The following NPAS3 variants were observed in gnomAD, a reference collection of about 807,000 sequenced individuals.
NPAS3 encodes the protein neuronal PAS domain-containing protein 3.
A neutral mutation model predicts 73.1 loss-of-function variants in NPAS3; 14 were observed. The observed-to-expected ratio is 0.19, with a 90% CI of 0.13 to 0.30. The LOEUF (loss-of-function observed/expected upper bound fraction) is 0.30, where lower values mean the gene tolerates loss of function less well. Ranked by LOEUF, NPAS3 falls within the 10% of genes least tolerant of loss-of-function variation. The pLI is 1.00. For missense variants in NPAS3, 1,096 were observed against 1,250.0 expected, an observed-to-expected ratio of 0.88 and a Z score of 1.86; for synonymous variants, 620 against 541.5, an observed-to-expected ratio of 1.14 and a Z score of -2.01.
intron 2 of NPAS3, among the ~76,000 whole-genome samples, chr14:33,102,065 C>T (rs1250552658): frequency 6.6e-6 from 1 of 152,148 alleles, no homozygotes; most frequent in Admixed American, 6.6e-5. Context: ...TTCCCACTAC[C>T]ATGCCAGCTT....
At chr14:33,667,721 A>AATT (rs1372755694) in intron 5 of NPAS3, among the ~76,000 whole-genome samples, 1 of 152,128 alleles carries the variant, frequency 6.6e-6, no homozygotes, top group African/African-American at 2.4e-5. Flanking sequence ...ACAAGAAATA[A>AATT]ATTATACACC....
chr14:33,197,327 T>C (rs764371491), intron 2 of NPAS3, among the ~76,000 whole-genome samples: 38 of 151,782 alleles, frequency 2.5e-4, no homozygotes, highest in Non-Finnish European at 4.4e-4. Context: ...TGAAGAGCAG[T>C]ACCTGAGCCT....
intron 3 of NPAS3, among the ~76,000 whole-genome samples, chr14:33,279,582 T>C (rs1478227129): frequency 2.6e-5 from 4 of 152,170 alleles, no homozygotes; most frequent in African/African-American, 7.2e-5. Flanking sequence ...TGCAGCATCT[T>C]AGACATACTG....
intron 5 of NPAS3, among the ~76,000 whole-genome samples, chr14:33,675,388 C>T (rs1459424908): frequency 1.3e-5 from 2 of 152,192 alleles, no homozygotes; most frequent in African/African-American, 2.4e-5. Flanking sequence ...TAGTCAGTGC[C>T]TCTATTTCAG....
intron 3 of NPAS3, among the ~76,000 whole-genome samples, chr14:33,347,441 CT>C (rs1310499302): frequency 1.3e-5 from 2 of 152,336 alleles, no homozygotes; most frequent in Non-Finnish European, 2.9e-5. Context: ...TATAAAATGG[CT>C]GCTAGAACAG....
At chr14:32,963,004 C>T (rs1418231541) in intron 1 of NPAS3, among the ~76,000 whole-genome samples, 2 of 151,672 alleles carry the variant, frequency 1.3e-5, no homozygotes, top group African/African-American at 4.8e-5. Context: ...ACATTTCCTT[C>T]TAATTCAAGA....
intron 7 of NPAS3, among the ~76,000 whole-genome samples, chr14:33,741,788 A>T (rs2061661065): frequency 6.6e-6 from 1 of 152,180 alleles, no homozygotes; most frequent in South Asian, 2.1e-4. Context: ...GCTAACTTAA[A>T]GATCCTTCAT....
chr14:33,486,954 C>T (rs920855832), intron 4 of NPAS3, among the ~76,000 whole-genome samples: 1 of 152,156 alleles, frequency 6.6e-6, no homozygotes, highest in Non-Finnish European at 1.5e-5. Flanking sequence ...TTTGTTTATG[C>T]TCTCAGAAGA....
chr14:33,091,861 T>A (rs111809351), intron 2 of NPAS3, among the ~76,000 whole-genome samples: 136,802 of 152,142 alleles, frequency 0.9, 61,708 homozygotes, highest in African/African-American at 0.96. Context: ...ACAGAACCAA[T>A]GACAAAAACC....
intron 4 of NPAS3, among the ~76,000 whole-genome samples, chr14:33,531,383 C>T (rs1171591294): frequency 2.0e-5 from 3 of 152,096 alleles, no homozygotes; most frequent in Admixed American, 1.3e-4. Flanking sequence ...CCCCTGATGG[C>T]CACTGATTTG....
At chr14:32,938,065 T>C (rs189587547), upstream of NPAS3, among the ~76,000 whole-genome samples, 1 of 152,120 alleles carries the variant, frequency 6.6e-6, no homozygotes, top group East Asian at 1.9e-4. Context: ...CGGGAGGGGC[T>C]TCTGTATGTG....
At chr14:33,255,154 T>C (rs531378786) in intron 3 of NPAS3, among the ~76,000 whole-genome samples, 1 of 152,204 alleles carries the variant, frequency 6.6e-6, no homozygotes, top group Non-Finnish European at 1.5e-5. Flanking sequence ...ATGGCTAACA[T>C]AGCAGGTTTG....
At chr14:33,109,285 C>A (rs1424756558) in intron 2 of NPAS3, among the ~76,000 whole-genome samples, 1 of 152,100 alleles carries the variant, frequency 6.6e-6, no homozygotes, top group Non-Finnish European at 1.5e-5. Context: ...AATCTTTGAA[C>A]CTCAGTTTTC....
chr14:33,146,031 A>G lies in NPAS3; in HGVS notation c.141-69151A>G, dbSNP rs143522349. Among the ~76,000 whole-genome samples the G allele has an allele frequency of 6.2e-3, 939 of 152,312 alleles. 11 individuals carry two copies. The highest frequency in any genetic ancestry group is 0.022 in the African/African-American group (897 of 41,560). Reference sequence around the variant, plus strand: ...AAGTAAAGAGTCGCAGATGGTTTACAATTTCATGTAGAAGCTGCTATGTCC... The same window carrying G: ...AAGTAAAGAGTCGCAGATGGTTTACGATTTCATGTAGAAGCTGCTATGTCC... On this transcript the variant is annotated intron_variant, in intron 2 of 11. Transcript: ENST00000356141.
intron 2 of NPAS3, among the ~76,000 whole-genome samples, chr14:33,125,345 A>C (rs1332294238): frequency 1.3e-5 from 2 of 152,146 alleles, no homozygotes; most frequent in Admixed American, 1.3e-4. Context: ...ATTTATCTTC[A>C]GGGTACAGAA....
At chr14:32,978,251 G>A (rs115407897) in intron 1 of NPAS3, among the ~76,000 whole-genome samples, 131 of 152,278 alleles carry the variant, frequency 8.6e-4, no homozygotes, top group African/African-American at 3.0e-3. Flanking sequence ...TGTGACTGGA[G>A]GGTTGGCTCA....
chr14:33,069,211 A>C (rs977825070), intron 2 of NPAS3, among the ~76,000 whole-genome samples: 2 of 152,206 alleles, frequency 1.3e-5, no homozygotes, highest in Non-Finnish European at 2.9e-5. Flanking sequence ...CTAATGTATC[A>C]TTGACTTTGT....
At chr14:32,939,144 G>T (rs1174221048), upstream of NPAS3, 1 of 110,122 alleles carries the variant, frequency 9.1e-6, no homozygotes, top group Non-Finnish European at 1.7e-5. Flanking sequence ...CCGCCGCCAC[G>T]GCCACGGCCA....
chr14:33,312,892 G>A (rs1354475173), intron 3 of NPAS3, among the ~76,000 whole-genome samples: 1 of 152,048 alleles, frequency 6.6e-6, no homozygotes, highest in Non-Finnish European at 1.5e-5. Flanking sequence ...TTGAGGTTAT[G>A]ATTTCCTATC....
Sources: gnomAD v4.1 joint callset for allele counts (sites outside exome capture counted in the v4.1 genomes callset) on GRCh38, gnomAD v4.1.1 for gene constraint, MANE v1.5 for transcripts, NCBI Gene and HGNC (gene_info 2026-07-23, HGNC 2026-07-21) for gene names.